Variants in WDPCP observed in about 807,000 individuals in gnomAD.
The protein encoded by WDPCP is WD repeat-containing and planar cell polarity effector protein fritz homolog.
A neutral mutation model predicts 93.1 loss-of-function variants in WDPCP; 71 were observed. The ratio of observed to expected loss-of-function variants is 0.76; its 90% confidence interval spans 0.63 to 0.93. WDPCP has a LOEUF of 0.93. WDPCP is among the 40% of genes least tolerant of loss of function. The pLI is 0.00. For synonymous variants in WDPCP, 315 were observed against 315.0 expected (o/e 1.00, Z 0.00); for missense variants, 844 against 887.4 (o/e 0.95, Z 0.62).
chr2:63,733,632 T>C (rs751631016), intron 2 of WDPCP, among the ~76,000 whole-genome samples: 1 of 152,228 alleles, frequency 6.6e-6, no homozygotes, highest in East Asian at 1.9e-4. Context: ...CAAGGGCAAG[T>C]GTGTTGAAGA....
intron 13 of WDPCP, among the ~76,000 whole-genome samples, chr2:63,276,517 T>G (rs1683100989): frequency 6.6e-6 from 1 of 152,156 alleles, no homozygotes; most frequent in Non-Finnish European, 1.5e-5. Context: ...CTGAAATAGC[T>G]GGCATAAATA....
At chr2:63,241,532 T>C (rs1356392556) in intron 14 of WDPCP, among the ~76,000 whole-genome samples, 1 of 152,190 alleles carries the variant, frequency 6.6e-6, no homozygotes, top group African/African-American at 2.4e-5. Flanking sequence ...AGCAAATCTT[T>C]ACCTTCATCC....
chr2:63,460,197 C>G (rs758783778), intron 6 of WDPCP, among the ~76,000 whole-genome samples: 17 of 152,176 alleles, frequency 1.1e-4, no homozygotes, highest in Non-Finnish European at 2.4e-4. Context: ...ATGGATGGAA[C>G]TGGAGGTCAG....
At chr2:63,284,462 G>C (rs1485887669) in intron 13 of WDPCP, among the ~76,000 whole-genome samples, 1 of 152,110 alleles carries the variant, frequency 6.6e-6, no homozygotes, top group Non-Finnish European at 1.5e-5. Context: ...ATTATGTTGA[G>C]AACTTGCACA....
At chr2:63,153,047 C>T (rs1054487491) in intron 16 of WDPCP, 102 bp from the exon 17 acceptor site, 33 of 954,500 alleles carry the variant, frequency 3.5e-5, no homozygotes, top group Admixed American at 1.6e-4. Flanking sequence ...AAAATAATAA[C>T]AAGTTACAAT....
At chr2:63,565,376 G>T (rs1413003199) in intron 1 of WDPCP, among the ~76,000 whole-genome samples, 3 of 152,150 alleles carry the variant, frequency 2.0e-5, no homozygotes, top group Admixed American at 2.0e-4. Flanking sequence ...AGAACCAACA[G>T]AATATAAGCT....
At chr2:63,182,054 T>A (rs917424201) in intron 14 of WDPCP, among the ~76,000 whole-genome samples, 92 of 151,802 alleles carry the variant, frequency 6.1e-4, no homozygotes, top group African/African-American at 2.2e-3. Context: ...AATCTGGGAG[T>A]CTTTGGGATT....
chr2:63,361,653 G>A (rs756258438), intron 12 of WDPCP, among the ~76,000 whole-genome samples: 19 of 152,184 alleles, frequency 1.2e-4, no homozygotes, highest in Admixed American at 2.6e-4. Context: ...TTAATTTTAT[G>A]TTGGTAGCAC....
In WDPCP at chr2:63,338,563, AAAAAAAATATATATAT is replaced by A. The variant is rs1186946569; in HGVS notation, c.1749-25268_1749-25253del. ...GCAAAACTCCATCTAAAAAAAAAAA[AAAAAAAATATATATAT>A]ATATATATATATATATATATATATA... On this transcript the variant is annotated intron_variant, in intron 12 of 17. Coordinates refer to ENST00000272321, the MANE Select transcript of WDPCP (RefSeq NM_015910.7). Among the ~76,000 whole-genome samples, 721 of 86,462 alleles carry A rather than the reference AAAAAAAATATATATAT, an allele frequency of 8.3e-3. 49 individuals are homozygous for A. The highest frequency in any genetic ancestry group is 0.012 in the South Asian group (31 of 2,630). The allele number at this position is 86,462 out of a possible 152,430, so 56.7% of individuals were successfully genotyped here.
chr2:63,762,090 G>A (rs145738228), intron 2 of WDPCP, among the ~76,000 whole-genome samples: 14 of 152,314 alleles, frequency 9.2e-5, no homozygotes, highest in Non-Finnish European at 1.5e-4. Flanking sequence ...ACAGGATTGA[G>A]ATACTAAAAG....
chr2:63,351,737 T>A (rs1468081454), intron 12 of WDPCP, among the ~76,000 whole-genome samples: 1 of 151,890 alleles, frequency 6.6e-6, no homozygotes, highest in Admixed American at 6.6e-5. Flanking sequence ...AACACAGGAG[T>A]GCATGTGTCT....
intron 1 of WDPCP, among the ~76,000 whole-genome samples, chr2:63,582,309 G>C (rs1708547536): frequency 6.6e-6 from 1 of 152,054 alleles, no homozygotes; most frequent in African/African-American, 2.4e-5. Flanking sequence ...ATTAGACATT[G>C]CAAAATAAAA....
intron 13 of WDPCP, among the ~76,000 whole-genome samples, chr2:63,272,739 T>C (rs981428952): frequency 3.3e-5 from 5 of 152,204 alleles, no homozygotes; most frequent in African/African-American, 1.2e-4. Context: ...ATCTAAGAAC[T>C]GGAAGACAGT....
intron 17 of WDPCP, among the ~76,000 whole-genome samples, chr2:63,127,537 TTATGA>T (rs1220961807): frequency 6.6e-6 from 1 of 151,906 alleles, no homozygotes; most frequent in Non-Finnish European, 1.5e-5. Flanking sequence ...ATTGATAAAC[TTATGA>T]TAGAAGTAGT....
chr2:63,296,410 C>A (rs1054154061), intron 13 of WDPCP, among the ~76,000 whole-genome samples: 1 of 152,120 alleles, frequency 6.6e-6, no homozygotes, highest in Non-Finnish European at 1.5e-5. Flanking sequence ...ACTCTCAGCA[C>A]TACTATTCAA....
intron 13 of WDPCP, among the ~76,000 whole-genome samples, chr2:63,264,639 C>A (rs1681950126): frequency 6.6e-6 from 1 of 152,090 alleles, no homozygotes; most frequent in Admixed American, 6.5e-5. Context: ...TGGTAGTAGA[C>A]TTCATTACCC....
intron 1 of WDPCP, among the ~76,000 whole-genome samples, chr2:63,574,054 G>A (rs955908080): frequency 3.9e-5 from 6 of 152,202 alleles, no homozygotes; most frequent in African/African-American, 7.2e-5. Context: ...ATGTGTGCCC[G>A]AAACTTCATT....
chr2:63,423,912 T>C (rs749123597), intron 9 of WDPCP, among the ~76,000 whole-genome samples: 20 of 151,670 alleles, frequency 1.3e-4, no homozygotes, highest in Non-Finnish European at 2.2e-4. Flanking sequence ...GACGAAAATA[T>C]TGAGTAAGCC....
intron 14 of WDPCP, among the ~76,000 whole-genome samples, chr2:63,236,672 G>C (rs546591605): frequency 5.3e-4 from 81 of 152,128 alleles, no homozygotes; most frequent in African/African-American, 1.9e-3. Flanking sequence ...CTGAAATAAA[G>C]CTGTACGCCT....
Sources: allele counts gnomAD v4.1 joint callset (sites outside exome capture counted in the v4.1 genomes callset), GRCh38; gene constraint gnomAD v4.1.1; transcripts MANE v1.5; gene names NCBI Gene and HGNC (gene_info 2026-07-23, HGNC 2026-07-21).